The following KLK11 variants were observed in gnomAD, a reference collection of about 807,000 sequenced individuals.
KLK11 encodes kallikrein-11.
A neutral mutation model predicts 23.4 loss-of-function variants in KLK11; 10 were observed. That is an observed-to-expected ratio of 0.43 (90% CI 0.26 to 0.73). The LOEUF (loss-of-function observed/expected upper bound fraction) is 0.73, where lower values mean the gene tolerates loss of function less well. Ranked by LOEUF, KLK11 falls within the 30% of genes least tolerant of loss-of-function variation. The probability of loss-of-function intolerance (pLI) is 0.22; values close to 1 mark genes in which losing one functional copy is unlikely to be tolerated. For synonymous variants in KLK11, 131 were observed against 131.7 expected, an observed-to-expected ratio of 0.99 and a Z score of 0.03; for missense variants, 285 against 327.8, an observed-to-expected ratio of 0.87 and a Z score of 1.01.
upstream of KLK11, chr19:51,026,935 C>T (rs1168524297): frequency 1.9e-5 from 3 of 155,330 alleles, no homozygotes; most frequent in Non-Finnish European, 1.4e-5. Flanking sequence ...TGATTTTTCT[C>T]TTTCTGTCCC....
chr19:51,026,119 G>GA (rs1378085378), intron 1 of KLK11, among the ~76,000 whole-genome samples: 2 of 152,126 alleles, frequency 1.3e-5, no homozygotes, highest in African/African-American at 4.8e-5. Context: ...TCGCAGCAGA[G>GA]CGATATGGAG....
rs993850984 is a variant in KLK11 at position 51,024,024 on chromosome 19, G to C, written c.463+21C>G. On this transcript the variant is annotated intron_variant, in intron 4 of 5. Coordinates refer to ENST00000453757, the MANE Select transcript of KLK11 (RefSeq NM_001136032.3). The surrounding 1 kb of genome is among the most constrained non-coding windows in gnomAD (Gnocchi z 6.2). ...CTCCCTCCTCACCACCCCCTGCCAG[G>C]TTCCCCTCTGGTGCTCCTACACTGG... 3 of 1,498,080 alleles carry C rather than the reference G, an allele frequency of 2.0e-6. No individual in the cohort carries two copies. Among genetic ancestry groups the C allele is most frequent in the Non-Finnish European group, 2.7e-6 (3 of 1,118,424 alleles). The allele number at this position is 1,498,080 out of a possible 1,614,324, so 92.8% of individuals were successfully genotyped here. A position where few individuals can be genotyped will look rare whatever the true frequency, so the allele number is the denominator to read the frequency against.
rs1281051549 is a variant in KLK11, at chr19:51,025,610, G to C, written c.22C>G (p.Leu8Val). The change falls in exon 2 of 6, where the codon CTG becomes GTG. Residue 8 changes from leucine (L) to valine (V), a missense_variant. By Grantham distance (32) the Leu-to-Val change is conservative. Coordinates refer to ENST00000453757, the MANE Select transcript of KLK11 (RefSeq NM_001136032.3). The surrounding 1 kb of genome is among the most constrained non-coding windows in gnomAD (Gnocchi z 6.2). MRILQLI[L>V]LALATGLVGG... Reference sequence around the variant, plus strand: ...TGCGTACCTGTTGCCAGAGCAAGCAGGATTAACTGCAGAATCCTCATGGCC... The same window carrying C: ...TGCGTACCTGTTGCCAGAGCAAGCACGATTAACTGCAGAATCCTCATGGCC... 2 of 1,589,238 alleles carry C rather than the reference G, an allele frequency of 1.3e-6. No homozygotes were observed. Among genetic ancestry groups the C allele is most frequent in the Non-Finnish European group, 8.6e-7 (1 of 1,167,510 alleles).
chr19:51,027,860 G>T (rs543935603), upstream of KLK11: 80 of 246,778 alleles, frequency 3.2e-4, no homozygotes, highest in African/African-American at 1.8e-3. Flanking sequence ...CTCAGCAAAT[G>T]TGCCTCCGCT....
chr19:51,023,339 A>G (rs2091431001), intron 4 of KLK11, 111 bp from the exon 5 acceptor site: 1 of 1,334,850 alleles, frequency 7.5e-7, no homozygotes, highest in African/African-American at 1.5e-5. Context: ...GACGCAGCCA[A>G]CTCACCTCTC....
upstream of KLK11, chr19:51,026,646 C>G: frequency 1.0e-6 from 1 of 980,730 alleles, no homozygotes; most frequent in Non-Finnish European, 1.2e-6. Flanking sequence ...ACCAGGCAGG[C>G]GGGCTGGCAG....
At chr19:51,023,342 C>A in intron 4 of KLK11, 114 bp from the exon 5 acceptor site, 4 of 1,200,272 alleles carry the variant, frequency 3.3e-6, no homozygotes, top group South Asian at 1.5e-5. Flanking sequence ...GCAGCCAACT[C>A]ACCTCTCTTC....
chr19:51,027,291 T>G (rs1600159008), upstream of KLK11: 2 of 674,028 alleles, frequency 3.0e-6, no homozygotes. Context: ...GACCGGAGGG[T>G]GGGGGAGGCA....
chr19:51,023,775 A>G, intron 4 of KLK11: 1 of 382,414 alleles, frequency 2.6e-6, no homozygotes, highest in South Asian at 9.1e-5. Context: ...CTCATTTTAT[A>G]GAGAAGAAAA....
chr19:51,023,556 C>T, intron 4 of KLK11: 1 of 245,684 alleles, frequency 4.1e-6, no homozygotes, highest in South Asian at 7.0e-5. Context: ...AACTAATTTT[C>T]ACATTTTTAG....
Position 51,024,201 on chromosome 19 carries a change from G to A in KLK11, c.307C>T (p.Pro103Ser). The A allele has an allele frequency of 6.2e-7, 1 of 1,613,998 alleles. No individual in the cohort carries two copies. The change falls in exon 4 of 6, where the codon CCC (proline) becomes TCC (serine). Residue 103 changes from proline (P) to serine (S), a missense_variant. Transcript: ENST00000453757. The surrounding 1 kb of genome is among the most constrained non-coding windows in gnomAD (Gnocchi z 6.2). ...ATGTCATTGCGGTGGTCTTTGTTGG[G>A]GAGGCTGTTGTTGAAGCCGGGGTGG... The part of the protein sequence containing the change: ...FPHPGFNNSL[P>S]NKDHRNDIML...
Position 51,024,286 on chromosome 19 carries a change from C to T in KLK11, c.222G>A (p.Gln74=). Residue 74 remains glutamine (Q), a synonymous_variant, in exon 4 of 6, where the codon CAG becomes CAA. Coordinates refer to ENST00000453757, the MANE Select transcript of KLK11 (RefSeq NM_001136032.3). This position sits in a 1 kb window ranked among gnomAD's most constrained non-coding sequence, Gnocchi z 6.2. ...AGCCCTCCTCCTTCTGGAGGTTGTG[C>T]TGCCCCAGGTGAACTATGTAGCGGC... ...LKPRYIVHLG[Q]HNLQKEEGCE... The T allele has an allele frequency of 6.2e-7, 1 of 1,614,006 alleles. No individual in the cohort carries two copies. Among genetic ancestry groups the T allele is most frequent in the Non-Finnish European group, 8.5e-7 (1 of 1,179,974 alleles).
At chr19:51,022,889 G>C (rs570655855) in intron 5 of KLK11, among the ~76,000 whole-genome samples, 192 bp from the exon 6 acceptor site, 66 of 152,268 alleles carry the variant, frequency 4.3e-4, no homozygotes, top group African/African-American at 1.5e-3. Flanking sequence ...AAACGAGTTT[G>C]GGGATGGTTG....
rs542875015 is a variant in KLK11 at position 51,022,629 on chromosome 19, C to T, written c.669G>A (p.Pro223=). The T allele has an allele frequency of 6.5e-5, 105 of 1,613,724 alleles. 1 individual carries two copies. Among genetic ancestry groups the T allele is most frequent in the South Asian group, 6.3e-4 (57 of 91,042 alleles). The stretch of plus-strand genomic sequence containing the variant: ...CACCAGGCTTTCGGGTGATCGCACA[C>T]GGATCCTGGCCCCAGGAGATAATGC... ...LQGIISWGQD[P]CAITRKPGVY... is the part of the protein sequence containing the mutation. Residue 223 remains proline, a synonymous_variant, in exon 6 of 6, where the codon CCG becomes CCA. Coordinates refer to ENST00000453757, the MANE Select transcript of KLK11 (RefSeq NM_001136032.3).
chr19:51,026,110 C>T (rs969417883), intron 1 of KLK11, among the ~76,000 whole-genome samples: 5 of 152,062 alleles, frequency 3.3e-5, no homozygotes, highest in Admixed American at 2.0e-4. Flanking sequence ...TCATTGTCTT[C>T]GCAGCAGAGC....
upstream of KLK11, chr19:51,027,551 CAG>C (rs1288777977): frequency 6.2e-7 from 1 of 1,613,294 alleles, no homozygotes; most frequent in Non-Finnish European, 8.5e-7. Context: ...CTGCTTCTCC[CAG>C]CTTGTTTGTT....
Position 51,023,213 on chromosome 19 carries a change from G to T in KLK11, c.479C>A (p.Thr160Asn). 2.5e-6 allele frequency: 4 copies of T among 1,613,140 alleles called. No homozygotes were observed. The highest frequency in any genetic ancestry group is 1.1e-5 in the South Asian group (1 of 90,878). Residue 160 changes from threonine (T) to asparagine (N), a missense_variant, in exon 5 of 6, where the codon ACC becomes AAC. Coordinates refer to ENST00000453757, the MANE Select transcript of KLK11 (RefSeq NM_001136032.3). Reference protein sequence around the residue: ...TSSPQLRLPHTLRCANITIIE... With the variant: ...TSSPQLRLPHNLRCANITIIE... ...GATGGTGATGTTGGCGCATCGCAAG[G>T]TGTGAGGCAGGCGTACTGTGGAAAC...
chr19:51,023,325 C>T, intron 4 of KLK11, 97 bp from the exon 5 acceptor site: 1 of 1,467,970 alleles, frequency 6.8e-7, no homozygotes. Context: ...AATCCCTGTC[C>T]TTAGACGCAG....
Position 51,025,721 on chromosome 19 carries a change from G to A in KLK11, c.-35-55C>T. 1 of 707,198 alleles carries A rather than the reference G, an allele frequency of 1.4e-6. No individual in the cohort carries two copies. Among genetic ancestry groups the A allele is most frequent in the Non-Finnish European group, 2.4e-6 (1 of 419,360 alleles). 43.8% of individuals were successfully genotyped at this position (707,198 alleles called of 1,614,324 possible). Reference sequence around the variant, plus strand: ...TCACTTTACGGGGAAATCGGGAGGGGGGGGCTGGCTCATGCCCTCTCCTCT... The same window carrying A: ...TCACTTTACGGGGAAATCGGGAGGGAGGGGCTGGCTCATGCCCTCTCCTCT... On this transcript the variant is annotated intron_variant, in intron 1 of 5. Coordinates refer to ENST00000453757, the MANE Select transcript of KLK11 (RefSeq NM_001136032.3). The surrounding 1 kb of genome is among the most constrained non-coding windows in gnomAD (Gnocchi z 6.2).
Sources: gnomAD v4.1 joint callset for allele counts (sites outside exome capture counted in the v4.1 genomes callset) on GRCh38, gnomAD v4.1.1 for gene constraint, Gnocchi (gnomAD v3.1) non-coding constraint, MANE v1.5 for transcripts, NCBI Gene and HGNC (gene_info 2026-07-23, HGNC 2026-07-21) for gene names.